The following SDK2 variants were observed in gnomAD, a reference collection of about 807,000 sequenced individuals.
SDK2 encodes the protein sidekick cell adhesion molecule 2, also known as protein sidekick-2.
In SDK2, 105 loss-of-function variants were observed where a neutral mutation model predicts 253.9. The ratio of observed to expected loss-of-function variants is 0.41; its 90% CI spans 0.35 to 0.49. SDK2 has a LOEUF of 0.49. SDK2 is among the 20% of genes least tolerant of loss of function. SDK2 has a pLI of 0.06. For missense variants in SDK2, 2,608 were observed against 3,003.0 expected (o/e 0.87, Z 3.07); for synonymous variants, 1,249 against 1,234.9 (o/e 1.01, Z -0.24).
chr17:73,528,578 A>G (rs923822084), intron 1 of SDK2, among the ~76,000 whole-genome samples: 4 of 152,146 alleles, frequency 2.6e-5, no homozygotes, highest in Non-Finnish European at 5.9e-5. Flanking sequence ...AAGGCGACCT[A>G]CTGCCTCACT....
At position 73,496,519 on chromosome 17, in the gene SDK2, G is replaced by A. The variant is rs529766638; in HGVS notation, c.224+10919C>T. Among the ~76,000 whole-genome samples, 4 of 152,314 alleles carry A rather than the reference G, an allele frequency of 2.6e-5. No individual in the cohort carries two copies. The highest frequency in any genetic ancestry group is 2.1e-4 in the South Asian group (1 of 4,820). ...TGCACGATGCGTTCTGCCCATTAGC[G>A]AAGGGAGTTAGTGAGAGAGGAGGCT... On this transcript the variant is annotated intron_variant, in intron 2 of 44. Transcript: ENST00000392650. This position sits in a 1 kb window ranked among gnomAD's most constrained non-coding sequence, Gnocchi z 4.7.
chr17:73,399,208 T>G lies in SDK2; in HGVS notation c.3053A>C (p.Asp1018Ala). The G allele has an allele frequency of 6.2e-7, 1 of 1,613,866 alleles. No homozygotes were observed. Among genetic ancestry groups the G allele is most frequent in the Admixed American group, 1.7e-5 (1 of 60,020 alleles). Reference protein sequence around the residue: ...SVTLQFRPGYDGKTSISRWLV... With the variant: ...SVTLQFRPGYAGKTSISRWLV... ...CCAGCGGGAGATGGAGGTTTTCCCA[T>G]CGTAGCCTGGCCTGAACTGCAAGGT... Residue 1018 changes from aspartate to alanine, a missense_variant, in exon 22 of 45, where the codon GAT becomes GCT. By Grantham distance (126) the Asp-to-Ala change is moderately radical. This residue lies in a region of SDK2 where 1,505 missense variants were observed against 1,859.1 expected (regional missense o/e 0.81). Coordinates refer to ENST00000392650, the MANE Select transcript of SDK2 (RefSeq NM_001144952.2).
At chr17:73,554,869 C>G (rs1158796125) in intron 1 of SDK2, among the ~76,000 whole-genome samples, 1 of 152,218 alleles carries the variant, frequency 6.6e-6, no homozygotes, top group East Asian at 1.9e-4. Flanking sequence ...GTAAATGTTA[C>G]AAACCCATAT....
chr17:73,466,999 C>G (rs1445427118), intron 3 of SDK2, among the ~76,000 whole-genome samples: 1 of 152,142 alleles, frequency 6.6e-6, no homozygotes, highest in South Asian at 2.1e-4. Flanking sequence ...GGCACAAGGG[C>G]CATGCCTGGC....
intron 2 of SDK2, among the ~76,000 whole-genome samples, chr17:73,506,707 G>T (rs2063938514): frequency 1.3e-5 from 2 of 152,222 alleles, no homozygotes; most frequent in East Asian, 3.9e-4. Flanking sequence ...GAGGTGGGAG[G>T]ATAAGAGCAG....
chr17:73,390,261 CT>C, intron 29 of SDK2, 25 bp downstream of exon 29: 1 of 1,530,364 alleles, frequency 6.5e-7, no homozygotes. Context: ...GCCCCCAAGC[CT>C]TCCCTGGCCC....
chr17:73,625,501 A>G (rs531516856), intron 1 of SDK2, among the ~76,000 whole-genome samples: 1 of 152,304 alleles, frequency 6.6e-6, no homozygotes, highest in South Asian at 2.1e-4. Context: ...ACCAGTGGGC[A>G]GGGCAGGGTT....
chr17:73,464,541 G>A (rs1292172269), intron 3 of SDK2, among the ~76,000 whole-genome samples: 1 of 152,204 alleles, frequency 6.6e-6, no homozygotes, highest in Non-Finnish European at 1.5e-5. Context: ...CCACAGCTTA[G>A]AATGCCGGGA....
At chr17:73,538,318 G>A (rs763619320) in intron 1 of SDK2, among the ~76,000 whole-genome samples, 59 of 152,086 alleles carry the variant, frequency 3.9e-4, no homozygotes, top group Non-Finnish European at 5.9e-4. Context: ...GTACTCCAGC[G>A]GCTCCACCAG....
In SDK2 at chr17:73,379,965, C is replaced by G. The variant is rs2062817397; in HGVS notation, c.4763-416G>C. On this transcript the variant is annotated intron_variant, in intron 34 of 44. Transcript: ENST00000392650. The surrounding 1 kb of genome is among the most constrained non-coding windows in gnomAD (Gnocchi z 4.5). ...AGTCCCCATCCACCAACTCTTTACA[C>G]AGCGGGGCTCAGCTCCAGGGGGGAG... is the stretch of plus-strand genomic sequence containing the variant. Among the ~76,000 whole-genome samples, 1 of 152,144 alleles carries G rather than the reference C, an allele frequency of 6.6e-6. No homozygotes were observed. The highest frequency in any genetic ancestry group is 1.5e-5 in the Non-Finnish European group (1 of 68,026).
chr17:73,404,008 G>T (rs1357188171), intron 18 of SDK2, among the ~76,000 whole-genome samples: 1 of 152,124 alleles, frequency 6.6e-6, no homozygotes, highest in Non-Finnish European at 1.5e-5. Flanking sequence ...TTATCTTCCT[G>T]GGCTTAGGCC....
Position 73,629,090 on chromosome 17 carries a change from A to AG in SDK2, c.64+14934dup, listed in dbSNP as rs1222589590. ...CAGCTGCAGTGGGTGGAGCCTGCGG[A>AG]GGGGGCAGGAAAGCCAGGCTCCTGA... On this transcript the variant is annotated intron_variant, in intron 1 of 44. Coordinates refer to ENST00000392650, the MANE Select transcript of SDK2 (RefSeq NM_001144952.2). The surrounding 1 kb of genome is among the most constrained non-coding windows in gnomAD (Gnocchi z 5.0). Among the ~76,000 whole-genome samples the AG allele has an allele frequency of 1.3e-5, 2 of 152,190 alleles. No homozygotes were observed. Among genetic ancestry groups the AG allele is most frequent in the Non-Finnish European group, 2.9e-5 (2 of 68,026 alleles).
At chr17:73,633,083 G>A (rs1201596179) in intron 1 of SDK2, among the ~76,000 whole-genome samples, 2 of 151,908 alleles carry the variant, frequency 1.3e-5, no homozygotes, top group Admixed American at 1.3e-4. Flanking sequence ...AGGAATTCAA[G>A]ATTAGACTAG....
intron 1 of SDK2, among the ~76,000 whole-genome samples, chr17:73,577,661 G>A (rs2045475313): frequency 1.3e-5 from 2 of 152,184 alleles, no homozygotes; most frequent in South Asian, 4.1e-4. Flanking sequence ...CTCTACCTGG[G>A]CGTGAATCCT....
chr17:73,553,580 G>A (rs1010295786), intron 1 of SDK2, among the ~76,000 whole-genome samples: 2 of 152,112 alleles, frequency 1.3e-5, no homozygotes, highest in African/African-American at 2.4e-5. Context: ...GACAGGGGGG[G>A]ACAGAGAGGT....
In SDK2 at chr17:73,465,935, G is replaced by C. The variant is rs150339650; in HGVS notation, c.331+6177C>G. The stretch of plus-strand genomic sequence containing the variant: ...TCTCTCAGAACTGTGTGCCATCTGC[G>C]TGTGTGTGTAAGGAGACAGACGGAT... On this transcript the variant is annotated intron_variant, in intron 3 of 44. Coordinates refer to ENST00000392650, the MANE Select transcript of SDK2 (RefSeq NM_001144952.2). This position sits in a 1 kb window ranked among gnomAD's most constrained non-coding sequence, Gnocchi z 4.2. Among the ~76,000 whole-genome samples, 1 of 152,168 alleles carries C rather than the reference G, an allele frequency of 6.6e-6. No homozygotes were observed. The highest frequency in any genetic ancestry group is 1.5e-5 in the Non-Finnish European group (1 of 68,028).
chr17:73,478,716 C>T (rs959403824), intron 2 of SDK2, among the ~76,000 whole-genome samples: 6 of 152,204 alleles, frequency 3.9e-5, no homozygotes, highest in African/African-American at 1.2e-4. Context: ...CTTTTTGGTT[C>T]GAGTCCTTGA....
chr17:73,455,974 G>T lies in SDK2; in HGVS notation c.411C>A (p.Ile137=). ...TCACCTGTGGCTGGGGGAAGCTGGC[G>T]ATGCGCGGGGCACGGATGACAGCTG... ...GEAAVIRAPR[I]ASFPQPQVTW... Residue 137 remains isoleucine, a synonymous_variant, in exon 4 of 45, where the codon ATC becomes ATA. Coordinates refer to ENST00000392650, the MANE Select transcript of SDK2 (RefSeq NM_001144952.2). This position sits in a 1 kb window ranked among gnomAD's most constrained non-coding sequence, Gnocchi z 5.0. 6.5e-7 allele frequency: 1 copy of T among 1,548,742 alleles called. No individual in the cohort carries two copies.
chr17:73,364,319 C>A (rs1175885177), intron 38 of SDK2, among the ~76,000 whole-genome samples: 1 of 152,066 alleles, frequency 6.6e-6, no homozygotes, highest in Non-Finnish European at 1.5e-5. Context: ...CCAGCTGGGG[C>A]CCGGAGGAAG....
Sources: gnomAD v4.1 joint callset for allele counts (sites outside exome capture counted in the v4.1 genomes callset) on GRCh38, gnomAD v4.1.1 for gene constraint, gnomAD v4.1.1 regional missense constraint, Gnocchi (gnomAD v3.1) non-coding constraint, MANE v1.5 for transcripts, NCBI Gene and HGNC (gene_info 2026-07-23, HGNC 2026-07-21) for gene names.